The following SDC2 variants were observed in gnomAD, a reference collection of about 807,000 sequenced individuals.
SDC2 encodes the protein syndecan-2.
SDC2 carries 13 observed loss-of-function variants against 22.2 expected under a neutral mutation model. The ratio of observed to expected loss-of-function variants is 0.59; its 90% CI spans 0.38 to 0.93. The LOEUF is 0.93. SDC2 is among the 40% of genes least tolerant of loss of function. The pLI is 0.00. For missense variants in SDC2, 235 were observed against 246.8 expected, an observed-to-expected ratio of 0.95 and a Z score of 0.32; for synonymous variants, 94 against 92.8, an observed-to-expected ratio of 1.01 and a Z score of -0.07.
At chr8:96,561,204 A>G (rs76837311) in intron 1 of SDC2, among the ~76,000 whole-genome samples, 12,557 of 152,266 alleles carry the variant, frequency 0.082, 761 homozygotes, top group East Asian at 0.16. Flanking sequence ...GACACAGCCA[A>G]TCAGCCCAAG....
At chr8:96,571,072 TTAC>T (rs1444589709) in intron 1 of SDC2, among the ~76,000 whole-genome samples, 3 of 152,214 alleles carry the variant, frequency 2.0e-5, no homozygotes, top group African/African-American at 7.2e-5. Flanking sequence ...TAGGTATATT[TTAC>T]TACAACTTTA....
At chr8:96,542,762 A>T (rs546578205) in intron 1 of SDC2, among the ~76,000 whole-genome samples, 2 of 152,020 alleles carry the variant, frequency 1.3e-5, no homozygotes, top group African/African-American at 4.8e-5. Flanking sequence ...TAAATATGAG[A>T]TTTTCCATCT....
At chr8:96,521,160 G>A (rs1017864345) in intron 1 of SDC2, among the ~76,000 whole-genome samples, 3 of 152,244 alleles carry the variant, frequency 2.0e-5, no homozygotes, top group Admixed American at 6.5e-5. Context: ...TTTCACATTC[G>A]TATAAATAAT....
chr8:96,605,977 G>A (rs529570729), intron 3 of SDC2, among the ~76,000 whole-genome samples: 100 of 152,260 alleles, frequency 6.6e-4, no homozygotes, highest in African/African-American at 2.4e-3. Context: ...TTAACTAGCA[G>A]GCCGCCATTT....
chr8:96,583,142 A>G (rs1814618398), intron 1 of SDC2, among the ~76,000 whole-genome samples: 1 of 147,522 alleles, frequency 6.8e-6, no homozygotes. Flanking sequence ...TGTAGAGATG[A>G]GATCTTACTA....
chr8:96,537,354 C>T (rs191356398), intron 1 of SDC2: 40 of 152,196 alleles, frequency 2.6e-4, no homozygotes, highest in African/African-American at 9.2e-4. Flanking sequence ...TGAACTGTTG[C>T]CTGTGTTCTG....
At chr8:96,543,784 T>A (rs1351799355) in intron 1 of SDC2, among the ~76,000 whole-genome samples, 1 of 152,230 alleles carries the variant, frequency 6.6e-6, no homozygotes, top group Non-Finnish European at 1.5e-5. Context: ...ATCATAACAG[T>A]ATGTGTATAT....
chr8:96,579,944 G>A (rs1160669717), intron 1 of SDC2, among the ~76,000 whole-genome samples: 1 of 152,216 alleles, frequency 6.6e-6, no homozygotes, highest in African/African-American at 2.4e-5. Flanking sequence ...AGCCGTGAAA[G>A]GGAAAAGAAT....
intron 1 of SDC2, 96 bp downstream of exon 1, chr8:96,494,427 C>A: frequency 8.3e-7 from 1 of 1,204,154 alleles, no homozygotes; most frequent in East Asian, 2.7e-5. Context: ...CTGGGGAACC[C>A]CCAGTCCCCA....
At chr8:96,587,625 G>A (rs576421697) in intron 1 of SDC2, among the ~76,000 whole-genome samples, 2 of 152,210 alleles carry the variant, frequency 1.3e-5, no homozygotes, top group South Asian at 4.1e-4. Context: ...AATTTGAGGG[G>A]CATTAGGCAG....
intron 1 of SDC2, among the ~76,000 whole-genome samples, chr8:96,530,741 A>G (rs961174009): frequency 1.3e-5 from 2 of 152,238 alleles, no homozygotes; most frequent in Non-Finnish European, 2.9e-5. Flanking sequence ...ATAGATAACA[A>G]ATGAAGATAA....
At chr8:96,589,727 A>G (rs1814746379) in intron 1 of SDC2, among the ~76,000 whole-genome samples, 1 of 152,180 alleles carries the variant, frequency 6.6e-6, no homozygotes, top group Non-Finnish European at 1.5e-5. Flanking sequence ...AGGAGTTTTT[A>G]TGTCATCCTC....
chr8:96,591,861 G>C (rs1278000336), intron 1 of SDC2, among the ~76,000 whole-genome samples: 1 of 152,096 alleles, frequency 6.6e-6, no homozygotes, highest in Admixed American at 6.5e-5. Flanking sequence ...CACTGTGACT[G>C]GGGGAGGGAA....
chr8:96,560,489 T>C (rs1407749577), intron 1 of SDC2, among the ~76,000 whole-genome samples: 1 of 152,226 alleles, frequency 6.6e-6, no homozygotes, highest in Non-Finnish European at 1.5e-5. Flanking sequence ...TTTTAATCTT[T>C]TAAAATAGTT....
At chr8:96,499,266 G>C (rs1813123362) in intron 1 of SDC2, among the ~76,000 whole-genome samples, 1 of 152,170 alleles carries the variant, frequency 6.6e-6, no homozygotes, top group South Asian at 2.1e-4. Flanking sequence ...AAATAGCAAG[G>C]CATACTGATG....
chr8:96,508,072 G>A (rs2917552), intron 1 of SDC2, among the ~76,000 whole-genome samples: 32,132 of 151,948 alleles, frequency 0.21, 3,447 homozygotes, highest in African/African-American at 0.26. Flanking sequence ...CGAGGCGGGT[G>A]GATCACGAGG....
intron 3 of SDC2, among the ~76,000 whole-genome samples, chr8:96,605,030 G>A (rs933774852): frequency 2.0e-5 from 3 of 152,198 alleles, no homozygotes; most frequent in Admixed American, 6.5e-5. Context: ...GAGTCCTTCA[G>A]TTCCCACACT....
At chr8:96,494,783 C>G (rs1003283624) in intron 1 of SDC2, among the ~76,000 whole-genome samples, 2 of 152,200 alleles carry the variant, frequency 1.3e-5, no homozygotes, top group Non-Finnish European at 2.9e-5. Context: ...ACCATCCCCC[C>G]CGCGCCAGCT....
intron 1 of SDC2, among the ~76,000 whole-genome samples, chr8:96,520,079 T>A (rs1369910249): frequency 1.3e-5 from 2 of 152,218 alleles, no homozygotes; most frequent in Non-Finnish European, 2.9e-5. Flanking sequence ...CTCACGGGAC[T>A]TCCTGGAACA....
Sources: allele counts gnomAD v4.1 joint callset (sites outside exome capture counted in the v4.1 genomes callset), GRCh38; gene constraint gnomAD v4.1.1; transcripts MANE v1.5; gene names NCBI Gene and HGNC (gene_info 2026-07-23, HGNC 2026-07-21).